SLC4A7: variants seen among roughly 807,000 people sequenced by gnomAD.
SLC4A7 encodes sodium bicarbonate cotransporter 3.
SLC4A7 carries 51 observed loss-of-function variants against 137.6 expected under a neutral mutation model. The ratio of observed to expected loss-of-function variants is 0.37; its 90% CI spans 0.30 to 0.47. SLC4A7 has a LOEUF of 0.47. Ranked by LOEUF, SLC4A7 falls within the 20% of genes least tolerant of loss-of-function variation. The pLI is 1.00. For missense variants in SLC4A7, 1,247 were observed against 1,525.4 expected (o/e 0.82, Z 3.04); for synonymous variants, 542 against 518.6 (o/e 1.05, Z -0.61).
In SLC4A7 at chr3:27,456,844, C is replaced by T. The variant is rs181881341; in HGVS notation, c.61-4346G>A. The T allele has an allele frequency of 1.4e-5, 20 of 1,382,748 alleles. No homozygotes were observed. In the Admixed American group the frequency reaches 6.8e-4, roughly 47 times the overall value. 85.7% of individuals were successfully genotyped at this position (1,382,748 alleles called of 1,614,324 possible). Reference sequence around the variant, plus strand: ...CAGCCAATCACTGTGTTCTAAGTTACCTAATCTTCCAAGCTAATAACTACA... The same window carrying T: ...CAGCCAATCACTGTGTTCTAAGTTATCTAATCTTCCAAGCTAATAACTACA... On this transcript the variant is annotated intron_variant, in intron 1 of 25. Coordinates refer to ENST00000454389, the MANE Select transcript of SLC4A7 (RefSeq NM_001321103.2).
At chr3:27,444,758 T>C (rs774070740) in intron 3 of SLC4A7, among the ~76,000 whole-genome samples, 1 of 152,328 alleles carries the variant, frequency 6.6e-6, no homozygotes, top group East Asian at 1.9e-4. Flanking sequence ...ATTTTCTAAT[T>C]CAATCAACTC....
At chr3:27,438,497 T>G (rs898322148) in intron 3 of SLC4A7, among the ~76,000 whole-genome samples, 3 of 150,578 alleles carry the variant, frequency 2.0e-5, no homozygotes, top group Non-Finnish European at 4.4e-5. Flanking sequence ...AGAGCAAGAC[T>G]CCATCTCAAA....
chr3:27,467,675 C>G (rs968162646), intron 1 of SLC4A7, among the ~76,000 whole-genome samples: 1 of 152,108 alleles, frequency 6.6e-6, no homozygotes, highest in African/African-American at 2.4e-5. Context: ...ATATCACTGC[C>G]GAGTTCACAC....
At chr3:27,412,133 G>C (rs562477173) in intron 11 of SLC4A7, among the ~76,000 whole-genome samples, 1 of 151,918 alleles carries the variant, frequency 6.6e-6, no homozygotes, top group Non-Finnish European at 1.5e-5. Context: ...TGAAAATTAC[G>C]CTTTACATTA....
chr3:27,386,349 T>C (rs977469684), intron 22 of SLC4A7, among the ~76,000 whole-genome samples: 1 of 152,102 alleles, frequency 6.6e-6, no homozygotes, highest in Non-Finnish European at 1.5e-5. Flanking sequence ...TTTAAGACAT[T>C]ACATATTATG....
intron 1 of SLC4A7, among the ~76,000 whole-genome samples, chr3:27,482,668 A>T (rs555481909): frequency 6.6e-6 from 1 of 152,244 alleles, no homozygotes; most frequent in Non-Finnish European, 1.5e-5. Context: ...GCTACTCCGG[A>T]GGCTGAGGCG....
rs540086931 is a variant in SLC4A7 at position 27,412,023 on chromosome 3, C to A, written c.1660-275G>T. Among the ~76,000 whole-genome samples the A allele has an allele frequency of 2.0e-5, 3 of 152,152 alleles. No individual in the cohort carries two copies. In the East Asian group the frequency reaches 5.8e-4, roughly 29 times the overall value. The stretch of plus-strand genomic sequence containing the variant: ...ATACTATAAAATATATTCATACATA[C>A]CATTTCAAATTCCTATTCACCAATA... On this transcript the variant is annotated intron_variant, in intron 11 of 25. Transcript: ENST00000454389.
intron 13 of SLC4A7, among the ~76,000 whole-genome samples, chr3:27,405,556 T>C (rs1330796129): frequency 6.6e-6 from 1 of 152,146 alleles, no homozygotes; most frequent in Non-Finnish European, 1.5e-5. Context: ...TAGTTCATTT[T>C]AAAAATAAAA....
intron 7 of SLC4A7, among the ~76,000 whole-genome samples, chr3:27,426,884 T>G (rs1289565229): frequency 6.9e-6 from 1 of 145,298 alleles, no homozygotes; most frequent in African/African-American, 2.4e-5. Context: ...ATGAGCAAAT[T>G]ACAAAAAAAT....
intron 1 of SLC4A7, among the ~76,000 whole-genome samples, chr3:27,464,841 G>A (rs1002715958): frequency 6.6e-6 from 1 of 152,160 alleles, no homozygotes; most frequent in African/African-American, 2.4e-5. Flanking sequence ...TTGCAGTGGG[G>A]GAAGAGCCTG....
chr3:27,481,357 T>C (rs2059698918), intron 1 of SLC4A7, among the ~76,000 whole-genome samples: 1 of 152,242 alleles, frequency 6.6e-6, no homozygotes, highest in African/African-American at 2.4e-5. Context: ...ATGAAACAGA[T>C]GGGCTCCAAT....
At position 27,452,495 on chromosome 3, in the gene SLC4A7, G is replaced by T; in HGVS notation, c.64C>A (p.Pro22Thr). The T allele has an allele frequency of 4.4e-6, 7 of 1,600,500 alleles. No homozygotes were observed. Among genetic ancestry groups the T allele is most frequent in the Non-Finnish European group, 6.0e-6 (7 of 1,176,120 alleles). ...PLLTRVTSRG[P>T]DEEAVVDLGK... is the part of the protein sequence containing the mutation. The stretch of plus-strand genomic sequence containing the variant: ...AGATCCACAACAGCTTCTTCATCAG[G>T]ACCCTAAAAACAAATTATTCTCATT... Residue 22 changes from proline to threonine, a missense_variant, in exon 2 of 26, where the codon CCT becomes ACT. Physicochemically the swap from Pro to Thr is conservative, Grantham distance 38 (BLOSUM62 -1). Coordinates refer to ENST00000454389, the MANE Select transcript of SLC4A7 (RefSeq NM_001321103.2).
chr3:27,480,917 G>T (rs440015), intron 1 of SLC4A7, among the ~76,000 whole-genome samples: 141,477 of 152,234 alleles, frequency 0.93, 65,836 homozygotes, highest in East Asian at 1. Context: ...AAGGCAGTAT[G>T]CTGTCTACCT....
At chr3:27,443,294 T>C (rs773770775) in intron 3 of SLC4A7, among the ~76,000 whole-genome samples, 1 of 152,092 alleles carries the variant, frequency 6.6e-6, no homozygotes, top group African/African-American at 2.4e-5. Flanking sequence ...CCTCTCAAAG[T>C]GCTGGAATTA....
At chr3:27,433,688 C>T (rs1219317307) in intron 6 of SLC4A7, among the ~76,000 whole-genome samples, 2 of 151,844 alleles carry the variant, frequency 1.3e-5, no homozygotes, top group Non-Finnish European at 2.9e-5. Context: ...AAGGTTCAAA[C>T]CCAAGATTTA....
chr3:27,482,227 T>G (rs1478619347), intron 1 of SLC4A7, among the ~76,000 whole-genome samples: 1 of 152,170 alleles, frequency 6.6e-6, no homozygotes, highest in Non-Finnish European at 1.5e-5. Context: ...GCATAAACAC[T>G]AGTCTAAATA....
At chr3:27,390,649 A>AT (rs1257131295) in intron 21 of SLC4A7, among the ~76,000 whole-genome samples, 8 of 152,190 alleles carry the variant, frequency 5.3e-5, no homozygotes, top group African/African-American at 1.9e-4. Flanking sequence ...AAATCAGGTG[A>AT]GATAAGGAAA....
At chr3:27,472,370 C>A (rs1369485482) in intron 1 of SLC4A7, among the ~76,000 whole-genome samples, 1 of 152,098 alleles carries the variant, frequency 6.6e-6, no homozygotes, top group Non-Finnish European at 1.5e-5. Context: ...GGCTGATCAC[C>A]CGAGGTCAGA....
At chr3:27,420,314 T>A (rs912267142) in intron 10 of SLC4A7, among the ~76,000 whole-genome samples, 5 of 152,190 alleles carry the variant, frequency 3.3e-5, no homozygotes, top group South Asian at 2.1e-4. Context: ...AAGGTCCTGA[T>A]TAGTATGTAG....
Sources: gnomAD v4.1 joint callset for allele counts (sites outside exome capture counted in the v4.1 genomes callset) on GRCh38, gnomAD v4.1.1 for gene constraint, MANE v1.5 for transcripts, NCBI Gene and HGNC (gene_info 2026-07-23, HGNC 2026-07-21) for gene names.